RNF144A: variants seen among roughly 807,000 people sequenced by gnomAD.
RNF144A encodes ring finger protein 144A, also known as E3 ubiquitin-protein ligase RNF144A.
RNF144A carries 11 observed loss-of-function variants against 38.7 expected under a neutral mutation model. The ratio of observed to expected loss-of-function variants is 0.28; its 90% confidence interval spans 0.18 to 0.47. The LOEUF (loss-of-function observed/expected upper bound fraction) is 0.47, where lower values mean the gene tolerates loss of function less well. RNF144A is among the 20% of genes least tolerant of loss of function. The pLI is 0.99. For synonymous variants in RNF144A, 149 were observed against 143.9 expected, an observed-to-expected ratio of 1.04 and a Z score of -0.25; for missense variants, 316 against 377.2, an observed-to-expected ratio of 0.84 and a Z score of 1.34.
chr2:7,015,739 C>T (rs1380315506), intron 5 of RNF144A, among the ~76,000 whole-genome samples: 1 of 152,122 alleles, frequency 6.6e-6, no homozygotes, highest in Non-Finnish European at 1.5e-5. Context: ...AGGCGACACT[C>T]CATATGCAGA....
At chr2:7,013,981 C>T (rs1360220097) in intron 3 of RNF144A, among the ~76,000 whole-genome samples, 1 of 152,204 alleles carries the variant, frequency 6.6e-6, no homozygotes, top group Non-Finnish European at 1.5e-5. Flanking sequence ...TGTAAGTTGG[C>T]AACTTCCTCC....
rs542267360 is a variant in RNF144A, at chr2:7,020,174, T to C, written c.302-299T>C. On this transcript the variant is annotated intron_variant, in intron 5 of 8. Transcript: ENST00000320892. ...GGAGGCCTTTGAGCTGTGAGCTGAG[T>C]GTCAGAGGCAAGCAGGGCTGACCCA... is the stretch of plus-strand genomic sequence containing the variant. Among the ~76,000 whole-genome samples the C allele has an allele frequency of 5.3e-5, 8 of 152,020 alleles. No homozygotes were observed. The South Asian group carries it at 1.0e-3, about 20-fold the overall frequency.
At chr2:6,934,615 G>T (rs778946504) in intron 1 of RNF144A, among the ~76,000 whole-genome samples, 2 of 151,986 alleles carry the variant, frequency 1.3e-5, no homozygotes, top group African/African-American at 2.4e-5. Context: ...TTTTAGCATT[G>T]TTAGGAAACT....
At position 6,974,218 on chromosome 2, in the gene RNF144A, A is replaced by G. The variant is rs577615399; in HGVS notation, c.-11-22698A>G. On this transcript the variant is annotated intron_variant, in intron 2 of 8. Transcript: ENST00000320892. ...AAGAAAGGAGAATGGCAGTTGTAGCATGATTCTGCACATTGTCAAGATTAT... is the reference window on the plus strand; with the variant it reads ...AAGAAAGGAGAATGGCAGTTGTAGCGTGATTCTGCACATTGTCAAGATTAT... Among the ~76,000 whole-genome samples, 6 of 152,352 alleles carry G rather than the reference A, an allele frequency of 3.9e-5. No individual in the cohort carries two copies. In the South Asian group the frequency reaches 1.0e-3, roughly 26 times the overall value.
rs189233608 is a variant in RNF144A at position 6,933,986 on chromosome 2, C to T, written c.-211-6962C>T. Among the ~76,000 whole-genome samples the T allele has an allele frequency of 9.2e-5, 14 of 152,036 alleles. 1 individual carries two copies. Among genetic ancestry groups the T allele is most frequent in the Admixed American group, 3.3e-4 (5 of 15,266 alleles). ...TTTTGTTTTGTTTTGTTTTAACATA[C>T]GCATGAAATTTTTTTTCACCAATGT... On this transcript the variant is annotated intron_variant, in intron 1 of 8. Coordinates refer to ENST00000320892, the MANE Select transcript of RNF144A (RefSeq NM_014746.6).
At position 6,944,003 on chromosome 2, in the gene RNF144A, G is replaced by C. The variant is rs1666180752; in HGVS notation, c.-12+2856G>C. Among the ~76,000 whole-genome samples, 1 of 152,128 alleles carries C rather than the reference G, an allele frequency of 6.6e-6. No individual in the cohort carries two copies. The highest frequency in any genetic ancestry group is 1.5e-5 in the Non-Finnish European group (1 of 68,002). ...TGATGGGGAGTTGAAGTGTGCAGGAGGTCAAGGATTGAGTGATCTTTTGGC... is the reference window on the plus strand; with the variant it reads ...TGATGGGGAGTTGAAGTGTGCAGGACGTCAAGGATTGAGTGATCTTTTGGC... On this transcript the variant is annotated intron_variant, in intron 2 of 8. Coordinates refer to ENST00000320892, the MANE Select transcript of RNF144A (RefSeq NM_014746.6). The surrounding 1 kb of genome is among the most constrained non-coding windows in gnomAD (Gnocchi z 4.7).
chr2:6,954,330 G>A (rs1049924624), intron 2 of RNF144A, among the ~76,000 whole-genome samples: 14 of 151,706 alleles, frequency 9.2e-5, no homozygotes, highest in Non-Finnish European at 1.5e-4. Context: ...TTAGTAGACA[G>A]CACTGATATT....
intron 1 of RNF144A, among the ~76,000 whole-genome samples, chr2:6,934,095 C>G (rs1665391128): frequency 6.6e-6 from 1 of 152,124 alleles, no homozygotes; most frequent in South Asian, 2.1e-4. Context: ...AAGTCATTTT[C>G]CAAAATGACA....
chr2:6,959,674 G>A (rs948378996), intron 2 of RNF144A, among the ~76,000 whole-genome samples: 1 of 152,118 alleles, frequency 6.6e-6, no homozygotes, highest in African/African-American at 2.4e-5. Context: ...CACTCTCAGG[G>A]TAGCTGTTCT....
chr2:7,018,913 G>C (rs1410914639), intron 5 of RNF144A, among the ~76,000 whole-genome samples: 1 of 152,020 alleles, frequency 6.6e-6, no homozygotes, highest in Non-Finnish European at 1.5e-5. Context: ...GCAGAGGGCA[G>C]CCAGATGAGA....
At chr2:7,053,124 G>T (rs555838725) in intron 6 of RNF144A, among the ~76,000 whole-genome samples, 17 of 152,160 alleles carry the variant, frequency 1.1e-4, no homozygotes, top group Admixed American at 9.8e-4. Flanking sequence ...TTCTCTGGCT[G>T]GTATATAATA....
chr2:7,040,609 T>A lies in RNF144A; in HGVS notation c.*849T>A, dbSNP rs1672986051. 1 of 985,382 alleles carries A rather than the reference T, an allele frequency of 1.0e-6. No individual in the cohort carries two copies. The highest frequency in any genetic ancestry group is 6.1e-5 in the Admixed American group (1 of 16,270). 61.0% of individuals were successfully genotyped at this position (985,382 alleles called of 1,614,324 possible). The stretch of plus-strand genomic sequence containing the variant: ...CCCAGGTAGCAGAAAACGCTTTTTA[T>A]TGTATTCAATCCCACTGCTTTGCTC... On this transcript the variant is annotated 3_prime_UTR_variant, in exon 9 of 9. Coordinates refer to ENST00000320892, the MANE Select transcript of RNF144A (RefSeq NM_014746.6).
intron 2 of RNF144A, among the ~76,000 whole-genome samples, chr2:6,986,740 G>A (rs56246937): frequency 2.9e-3 from 447 of 152,282 alleles, no homozygotes; most frequent in African/African-American, 0.01. Flanking sequence ...CCTAGCAAAA[G>A]TGTTGCAATA....
At chr2:7,070,678 C>CA (rs955610152), downstream of RNF144A, among the ~76,000 whole-genome samples, 14 of 152,256 alleles carry the variant, frequency 9.2e-5, no homozygotes, top group African/African-American at 3.4e-4. Flanking sequence ...CACATACACC[C>CA]AGAGGCAAGT....
chr2:6,992,623 C>A (rs1040554934), intron 2 of RNF144A, among the ~76,000 whole-genome samples: 14 of 152,326 alleles, frequency 9.2e-5, no homozygotes, highest in African/African-American at 2.9e-4. Context: ...TGATGACTGG[C>A]TGGCAGCTGC....
chr2:7,049,383 A>G (rs1025526290), intron 6 of RNF144A, among the ~76,000 whole-genome samples: 5 of 152,308 alleles, frequency 3.3e-5, no homozygotes, highest in African/African-American at 1.2e-4. Flanking sequence ...TTATTGATCA[A>G]TGGTAAGGCA....
chr2:7,029,785 C>G (rs1372736519), intron 7 of RNF144A, among the ~76,000 whole-genome samples: 1 of 152,204 alleles, frequency 6.6e-6, no homozygotes, highest in African/African-American at 2.4e-5. Flanking sequence ...AGCCCTTTGT[C>G]CCCATGAGAT....
chr2:7,051,480 G>A (rs1413510851), intron 6 of RNF144A, among the ~76,000 whole-genome samples: 1 of 152,208 alleles, frequency 6.6e-6, no homozygotes, highest in East Asian at 1.9e-4. Flanking sequence ...AGGGGAGCTT[G>A]GATGCAGAGG....
downstream of RNF144A, among the ~76,000 whole-genome samples, chr2:7,072,851 G>A (rs145878869): frequency 6.7e-4 from 102 of 152,316 alleles, 1 homozygote; most frequent in African/African-American, 2.4e-3. Context: ...GACCAGAAAG[G>A]CATTTCCTTG....
Sources: gnomAD v4.1 joint callset for allele counts (sites outside exome capture counted in the v4.1 genomes callset) on GRCh38, gnomAD v4.1.1 for gene constraint, Gnocchi (gnomAD v3.1) non-coding constraint, MANE v1.5 for transcripts, NCBI Gene and HGNC (gene_info 2026-07-23, HGNC 2026-07-21) for gene names.